The following AHNAK variants were observed in gnomAD, a reference collection of about 807,000 sequenced individuals.
The protein encoded by AHNAK is neuroblast differentiation-associated protein AHNAK.
AHNAK carries 23 observed loss-of-function variants against 37.8 expected under a neutral mutation model. The ratio of observed to expected loss-of-function variants is 0.61; its 90% CI spans 0.44 to 0.86. The LOEUF is 0.86. Ranked by LOEUF, AHNAK falls within the 40% of genes least tolerant of loss-of-function variation. The pLI is 0.00. For missense variants in AHNAK, 7,411 were observed against 7,319.4 expected, an observed-to-expected ratio of 1.01 and a Z score of -0.46; for synonymous variants, 2,481 against 2,636.3, an observed-to-expected ratio of 0.94 and a Z score of 1.80.
In AHNAK at chr11:62,517,186, T is replaced by G. The variant is rs764643066; in HGVS notation, c.17231A>C (p.Lys5744Thr). The G allele has an allele frequency of 1.2e-6, 2 of 1,613,902 alleles. No individual in the cohort carries two copies. The highest frequency in any genetic ancestry group is 4.5e-5 in the East Asian group (2 of 44,894). Reference sequence around the variant, plus strand: ...AGAGCCCAGGCTGGCCTTTGAACTTTTCAGGTCACCTTTGGACCCAGAAAT... The same window carrying G: ...AGAGCCCAGGCTGGCCTTTGAACTTGTCAGGTCACCTTTGGACCCAGAAAT... ...ASISGSKGDL[K>T]SSKASLGSLE... The change falls in exon 5 of 5, where the codon AAA becomes ACA. Residue 5744 changes from lysine (K) to threonine (T), a missense_variant. Coordinates refer to ENST00000378024, the MANE Select transcript of AHNAK (RefSeq NM_001620.3).
intron 5 of AHNAK, among the ~76,000 whole-genome samples, chr11:62,458,959 C>T (rs1016187002): frequency 5.9e-5 from 9 of 152,102 alleles, no homozygotes; most frequent in Non-Finnish European, 1.3e-4. Context: ...CTGGCCAGGC[C>T]CTGGTGTGGA....
Position 62,532,262 on chromosome 11 carries a change from C to T in AHNAK, c.2155G>A (p.Val719Ile). ...TTGAGTTCTCCTTCCAGCTTTGGTA[C>T]AGTTACATCATACTCTCCCTTCACC... ...TKVKGEYDVT[V>I]PKLEGELKGP... The change falls in exon 5 of 5, where the codon GTA becomes ATA. Residue 719 changes from valine (V) to isoleucine (I), a missense_variant. By Grantham distance (29) the Val-to-Ile change is conservative. Transcript: ENST00000378024. 1 of 1,613,754 alleles carries T rather than the reference C, an allele frequency of 6.2e-7. No individual in the cohort carries two copies. Among genetic ancestry groups the T allele is most frequent in the Non-Finnish European group, 8.5e-7 (1 of 1,179,942 alleles).
At chr11:62,536,122 A>G in intron 2 of AHNAK, 24 bp from the exon 3 acceptor site, 1 of 1,543,884 alleles carries the variant, frequency 6.5e-7, no homozygotes, top group East Asian at 2.4e-5. Flanking sequence ...AGGAAATGGA[A>G]CTGGGGTCAG....
intron 4 of AHNAK, among the ~76,000 whole-genome samples, chr11:62,502,584 A>T (rs1423124441): frequency 1.3e-5 from 2 of 152,150 alleles, no homozygotes; most frequent in East Asian, 3.8e-4. Context: ...ACTACTTCTC[A>T]CTCACAGAGC....
At chr11:62,459,910 C>T (rs1249076244) in intron 5 of AHNAK, among the ~76,000 whole-genome samples, 2 of 152,058 alleles carry the variant, frequency 1.3e-5, no homozygotes, top group Non-Finnish European at 2.9e-5. Flanking sequence ...GAGGCGGAGG[C>T]GGGCGGATCA....
rs752661761 is a variant in AHNAK at position 62,525,541 on chromosome 11, T to A, written c.8876A>T (p.Lys2959Ile). 5 of 1,614,094 alleles carry A rather than the reference T, an allele frequency of 3.1e-6. No individual in the cohort carries two copies. Among genetic ancestry groups the A allele is most frequent in the Middle Eastern group, 1.6e-4 (1 of 6,062 alleles). The change falls in exon 5 of 5, where the codon AAA becomes ATA. Residue 2959 changes from lysine (K) to isoleucine (I), a missense_variant. Coordinates refer to ENST00000378024, the MANE Select transcript of AHNAK (RefSeq NM_001620.3). ...GTCAGGCATGGGGATCTTGGGGGCT[T>A]TGATATTCATCTCTGGCATCTTGAA... ...PKFKMPEMNI[K>I]APKIPMPDFD...
intron 5 of AHNAK, among the ~76,000 whole-genome samples, chr11:62,450,550 G>T (rs1938514292): frequency 6.6e-6 from 1 of 152,118 alleles, no homozygotes; most frequent in South Asian, 2.1e-4. Flanking sequence ...GCAGCTCCCT[G>T]CCCCCAGACA....
Position 62,516,407 on chromosome 11 carries a change from A to G in AHNAK, c.*337T>C, listed in dbSNP as rs781231678. On this transcript the variant is annotated 3_prime_UTR_variant, in exon 5 of 5. Coordinates refer to ENST00000378024, the MANE Select transcript of AHNAK (RefSeq NM_001620.3). ...GGTTTCCATTACCCCAAAACTAACA[A>G]TGTTCAGTAAAAATGAGGATAATAA... The G allele has an allele frequency of 2.4e-6, 3 of 1,253,240 alleles. No individual in the cohort carries two copies. The highest frequency in any genetic ancestry group is 3.1e-6 in the Non-Finnish European group (3 of 974,890). The allele number at this position is 1,253,240 out of a possible 1,614,324, so 77.6% of individuals were successfully genotyped here.
At chr11:62,438,812 G>C (rs1239313561) in intron 5 of AHNAK, among the ~76,000 whole-genome samples, 1 of 152,080 alleles carries the variant, frequency 6.6e-6, no homozygotes, top group Non-Finnish European at 1.5e-5. Context: ...CTCTGGCGTG[G>C]AGACAACTGA....
At chr11:62,462,253 C>A (rs1039952925) in intron 5 of AHNAK, among the ~76,000 whole-genome samples, 4 of 151,996 alleles carry the variant, frequency 2.6e-5, no homozygotes, top group African/African-American at 9.7e-5. Flanking sequence ...ACCTGACCTC[C>A]GCCCTCCCAT....
At chr11:62,444,173 C>T (rs979919533) in intron 5 of AHNAK, among the ~76,000 whole-genome samples, 2 of 152,192 alleles carry the variant, frequency 1.3e-5, no homozygotes, top group East Asian at 1.9e-4. Context: ...ACACAAAAGG[C>T]GTTCTTCTTT....
At chr11:62,510,271 C>T (rs952211434) in intron 4 of AHNAK, among the ~76,000 whole-genome samples, 4 of 151,746 alleles carry the variant, frequency 2.6e-5, no homozygotes, top group African/African-American at 9.7e-5. Flanking sequence ...TCTGGAACTT[C>T]CTGACCTCAA....
At chr11:62,474,571 T>C (rs1024327669) in intron 5 of AHNAK, among the ~76,000 whole-genome samples, 5 of 143,998 alleles carry the variant, frequency 3.5e-5, no homozygotes, top group African/African-American at 1.5e-4. Flanking sequence ...CTTAGCTGCG[T>C]AAGCTCGGCC....
At position 62,518,813 on chromosome 11, in the gene AHNAK, T is replaced by C; in HGVS notation, c.15604A>G (p.Asn5202Asp). ...CCCTTTATCTTTGGTCCTTTCAAGT[T>C]TACATTCACATCAGGGATGGAGACT... ...PQVSIPDVNVNLKGPKIKGDV... is the reference protein window; with the variant it reads ...PQVSIPDVNVDLKGPKIKGDV... Residue 5202 changes from asparagine (N) to aspartate (D), a missense_variant, in exon 5 of 5, where the codon AAC becomes GAC. Coordinates refer to ENST00000378024, the MANE Select transcript of AHNAK (RefSeq NM_001620.3). The C allele has an allele frequency of 6.2e-7, 1 of 1,614,226 alleles. No individual in the cohort carries two copies. The highest frequency in any genetic ancestry group is 2.2e-5 in the East Asian group (1 of 44,882).
chr11:62,479,167 C>CTTTTTTTTTTTTTTTTTTT (rs33929407), intron 5 of AHNAK, among the ~76,000 whole-genome samples: 60 of 116,232 alleles, frequency 5.2e-4, no homozygotes, highest in Non-Finnish European at 8.0e-4. Flanking sequence ...TTTCTTTTTT[C>CTTTTTTTTTTTTTTTTTTT]TTTTTTTTTT....
chr11:62,461,129 C>T (rs1052292334), intron 5 of AHNAK, among the ~76,000 whole-genome samples: 1 of 146,246 alleles, frequency 6.8e-6, no homozygotes. Context: ...GCCACCACGC[C>T]CGGCCAAATT....
At chr11:62,451,563 C>A (rs936811379) in intron 5 of AHNAK, among the ~76,000 whole-genome samples, 1 of 151,846 alleles carries the variant, frequency 6.6e-6, no homozygotes, top group Non-Finnish European at 1.5e-5. Flanking sequence ...CATGATAAAA[C>A]CCCGTCTCTA....
At chr11:62,542,303 C>T (rs1941153958) in intron 1 of AHNAK, among the ~76,000 whole-genome samples, 1 of 152,134 alleles carries the variant, frequency 6.6e-6, no homozygotes, top group African/African-American at 2.4e-5. Context: ...TCCCTTGAGC[C>T]TGCACCTCCC....
Position 62,521,831 on chromosome 11 carries a change from A to T in AHNAK, c.12586T>A (p.Phe4196Ile). 1.9e-6 allele frequency: 3 copies of T among 1,612,468 alleles called. No homozygotes were observed. Among genetic ancestry groups the T allele is most frequent in the Non-Finnish European group, 2.5e-6 (3 of 1,179,660 alleles). The change falls in exon 5 of 5, where the codon TTC becomes ATC. Residue 4196 changes from phenylalanine (F) to isoleucine (I), a missense_variant. Physicochemically the swap from Phe to Ile is conservative, Grantham distance 21 (BLOSUM62 0). Coordinates refer to ENST00000378024, the MANE Select transcript of AHNAK (RefSeq NM_001620.3). ...LKMPKVKMPK[F>I]SMPGFKGEGP... ...TCTCCTTTGAAGCCAGGCATGCTGA[A>T]CTTGGGCATTTTCACTTTGGGCATT...
Sources: allele counts gnomAD v4.1 joint callset (sites outside exome capture counted in the v4.1 genomes callset), GRCh38; gene constraint gnomAD v4.1.1; transcripts MANE v1.5; gene names NCBI Gene and HGNC (gene_info 2026-07-23, HGNC 2026-07-21).